AK5: variants seen among roughly 807,000 people sequenced by gnomAD.
AK5 encodes the protein adenylate kinase 5.
AK5 carries 27 observed loss-of-function variants against 69.5 expected under a neutral mutation model. The observed-to-expected ratio is 0.39, with a 90% CI of 0.29 to 0.54. AK5 has a LOEUF of 0.54. Ranked by LOEUF, AK5 falls within the 20% of genes least tolerant of loss-of-function variation. The pLI, the probability that AK5 is intolerant of heterozygous loss-of-function variation, is 0.71. For synonymous variants in AK5, 260 were observed against 244.4 expected, an observed-to-expected ratio of 1.06 and a Z score of -0.60; for missense variants, 531 against 700.4, an observed-to-expected ratio of 0.76 and a Z score of 2.73.
chr1:77,303,353 A>G (rs1779181), intron 5 of AK5, among the ~76,000 whole-genome samples: 134,725 of 152,258 alleles, frequency 0.88, 59,961 homozygotes, highest in Middle Eastern at 0.97. Context: ...AGAAATCAAA[A>G]CAAATTTTAA....
chr1:77,464,836 A>C lies in AK5; in HGVS notation c.1060-18481A>C, dbSNP rs80008983. 3.3e-3 allele frequency among the ~76,000 whole-genome samples: 500 copies of C among 152,238 alleles called. 4 individuals are homozygous for C. The highest frequency in any genetic ancestry group is 0.012 in the African/African-American group (480 of 41,546). On this transcript the variant is annotated intron_variant, in intron 8 of 13. Transcript: ENST00000354567. Reference sequence around the variant, plus strand: ...GGCATTTTAATTATTAGGCCAAAAGAGATGATGGAGGTGCAGCCAGGGGAG... The same window carrying C: ...GGCATTTTAATTATTAGGCCAAAAGCGATGATGGAGGTGCAGCCAGGGGAG...
chr1:77,407,111 C>T (rs974367329), intron 6 of AK5, among the ~76,000 whole-genome samples: 4 of 151,058 alleles, frequency 2.6e-5, no homozygotes, highest in African/African-American at 9.7e-5. Context: ...CTGAAACTGA[C>T]TCAGAACTGA....
intron 6 of AK5, among the ~76,000 whole-genome samples, chr1:77,357,824 C>G (rs1167504821): frequency 6.6e-6 from 1 of 152,170 alleles, no homozygotes; most frequent in Non-Finnish European, 1.5e-5. Context: ...ATGTTATTTT[C>G]TATCATTTTA....
chr1:77,324,346 TG>T (rs1660686798), intron 5 of AK5, among the ~76,000 whole-genome samples: 1 of 151,874 alleles, frequency 6.6e-6, no homozygotes, highest in African/African-American at 2.4e-5. Flanking sequence ...TGTGTGTGTG[TG>T]TGTGTGTCTT....
At chr1:77,495,909 T>C (rs1656284521) in intron 10 of AK5, among the ~76,000 whole-genome samples, 1 of 152,226 alleles carries the variant, frequency 6.6e-6, no homozygotes, top group African/African-American at 2.4e-5. Flanking sequence ...CATTCATCTG[T>C]TAGGTATATA....
chr1:77,299,107 A>G (rs567467902), intron 5 of AK5, among the ~76,000 whole-genome samples: 1 of 152,138 alleles, frequency 6.6e-6, no homozygotes, highest in African/African-American at 2.4e-5. Flanking sequence ...ATGTTGAATG[A>G]CAGTATCTTT....
chr1:77,439,857 T>C (rs964890958), intron 8 of AK5, among the ~76,000 whole-genome samples: 3 of 152,054 alleles, frequency 2.0e-5, no homozygotes, highest in African/African-American at 7.2e-5. Flanking sequence ...CATTCATCCA[T>C]TGATGGACAC....
chr1:77,453,372 C>T (rs115177179), intron 8 of AK5, among the ~76,000 whole-genome samples: 3 of 152,292 alleles, frequency 2.0e-5, no homozygotes, highest in African/African-American at 7.2e-5. Context: ...ATTTTAACCC[C>T]TTATAAAGTG....
At chr1:77,492,664 GC>G (rs766533381) in intron 10 of AK5, among the ~76,000 whole-genome samples, 37 of 152,148 alleles carry the variant, frequency 2.4e-4, no homozygotes, top group Non-Finnish European at 5.1e-4. Flanking sequence ...TCTGCTGAAA[GC>G]CCTGTTTCTC....
intron 3 of AK5, 108 bp downstream of exon 3, chr1:77,294,068 CA>C: frequency 1.0e-6 from 1 of 954,958 alleles, no homozygotes. Context: ...TAATGACAAG[CA>C]ATAGAAACAA....
intron 8 of AK5, among the ~76,000 whole-genome samples, chr1:77,469,687 C>G (rs999028787): frequency 5.3e-5 from 8 of 152,262 alleles, no homozygotes; most frequent in African/African-American, 1.9e-4. Flanking sequence ...GCTGGGATGA[C>G]CCAAACTGTG....
chr1:77,395,952 T>C (rs891900216), intron 6 of AK5, among the ~76,000 whole-genome samples: 20 of 152,212 alleles, frequency 1.3e-4, no homozygotes, highest in Non-Finnish European at 2.2e-4. Flanking sequence ...ATACCATTCT[T>C]ACTCAACAGG....
chr1:77,298,223 T>A (rs1239906483), intron 5 of AK5, among the ~76,000 whole-genome samples: 1 of 151,464 alleles, frequency 6.6e-6, no homozygotes, highest in African/African-American at 2.4e-5. Context: ...ATACTTTTCA[T>A]ACAATTTTTT....
At chr1:77,423,662 A>G (rs1651001536) in intron 8 of AK5, among the ~76,000 whole-genome samples, 1 of 151,978 alleles carries the variant, frequency 6.6e-6, no homozygotes. Flanking sequence ...AACACTGAAC[A>G]GTGATAATAG....
At chr1:77,332,930 T>C (rs1031860944) in intron 5 of AK5, among the ~76,000 whole-genome samples, 1 of 152,020 alleles carries the variant, frequency 6.6e-6, no homozygotes, top group African/African-American at 2.4e-5. Flanking sequence ...TTTGTGACTT[T>C]CTCCTTTTAG....
chr1:77,427,562 A>G (rs1382338674), intron 8 of AK5, among the ~76,000 whole-genome samples: 2 of 152,188 alleles, frequency 1.3e-5, no homozygotes, highest in African/African-American at 4.8e-5. Context: ...GGAAGAAATC[A>G]TACCAATTCT....
chr1:77,433,681 G>C (rs944086608), intron 8 of AK5, among the ~76,000 whole-genome samples: 1 of 152,080 alleles, frequency 6.6e-6, no homozygotes, highest in East Asian at 1.9e-4. Context: ...TTACCAAGCA[G>C]CTGTAAACTA....
chr1:77,478,677 C>A (rs1655086107), intron 8 of AK5, among the ~76,000 whole-genome samples: 1 of 152,196 alleles, frequency 6.6e-6, no homozygotes, highest in Non-Finnish European at 1.5e-5. Context: ...GGAGCAGTCA[C>A]TATGCTGTAA....
intron 8 of AK5, among the ~76,000 whole-genome samples, chr1:77,454,408 C>T (rs1167387864): frequency 6.6e-6 from 1 of 152,134 alleles, no homozygotes; most frequent in African/African-American, 2.4e-5. Flanking sequence ...TTTCATGAAC[C>T]AACAGCAGGA....
Sources: allele counts gnomAD v4.1 joint callset (sites outside exome capture counted in the v4.1 genomes callset), GRCh38; gene constraint gnomAD v4.1.1; transcripts MANE v1.5; gene names NCBI Gene and HGNC (gene_info 2026-07-23, HGNC 2026-07-21).